The following PRRC2B variants were observed in gnomAD, a reference collection of about 807,000 sequenced individuals.
PRRC2B encodes the protein protein PRRC2B.
In PRRC2B, 68 loss-of-function variants were observed where a neutral mutation model predicts 242.3. The observed-to-expected ratio is 0.28, with a 90% CI of 0.23 to 0.34. The LOEUF is 0.34. Among genes scored for constraint, PRRC2B ranks in the 10% least tolerant of loss-of-function variants. The pLI, the probability that PRRC2B is intolerant of heterozygous loss-of-function variation, is 1.00. For missense variants in PRRC2B, 2,835 were observed against 2,954.8 expected, an observed-to-expected ratio of 0.96 and a Z score of 0.94; for synonymous variants, 1,228 against 1,173.6, an observed-to-expected ratio of 1.05 and a Z score of -0.95.
At chr9:131,379,151 C>T (rs889099662) in intron 1 of PRRC2B, among the ~76,000 whole-genome samples, 1 of 152,140 alleles carries the variant, frequency 6.6e-6, no homozygotes, top group Non-Finnish European at 1.5e-5. Flanking sequence ...CCATGTGGTA[C>T]CATGTGTCAG....
At chr9:131,467,386 G>T (rs1443494342) in intron 12 of PRRC2B, among the ~76,000 whole-genome samples, 177 bp from the exon 13 acceptor site, 2 of 152,218 alleles carry the variant, frequency 1.3e-5, no homozygotes, top group Non-Finnish European at 2.9e-5. Context: ...CATGTGTTGT[G>T]GGGAGTCCCT....
At chr9:131,439,790 G>C (rs1337973378) in intron 5 of PRRC2B, among the ~76,000 whole-genome samples, 1 of 152,190 alleles carries the variant, frequency 6.6e-6, no homozygotes, top group Non-Finnish European at 1.5e-5. Flanking sequence ...CAGGAGTGCA[G>C]TGGCACAATT....
At chr9:131,423,068 C>T (rs191076545) in intron 1 of PRRC2B, among the ~76,000 whole-genome samples, 1 of 152,184 alleles carries the variant, frequency 6.6e-6, no homozygotes, top group Admixed American at 6.5e-5. Flanking sequence ...TGGGTTGTGT[C>T]TGCTTCATAT....
rs1475337270 is a variant in PRRC2B, at chr9:131,474,985, G to A, written c.2856G>A (p.Val952=). 1 of 1,599,294 alleles carries A rather than the reference G, an allele frequency of 6.3e-7. No individual in the cohort carries two copies. The highest frequency in any genetic ancestry group is 8.5e-7 in the Non-Finnish European group (1 of 1,173,118). Residue 952 remains valine (V), a synonymous_variant, in exon 16 of 32, where the codon GTG becomes GTA. Transcript: ENST00000683519. ...IKKPVLKALK[V]EDKEKELEKI... is the part of the protein sequence containing the mutation. ...AACCAGTCCTGAAAGCCCTCAAGGT[G>A]GAAGACAAGGAGAAGGAGCTTGAGA...
chr9:131,448,666 C>T (rs1479435332), intron 9 of PRRC2B, among the ~76,000 whole-genome samples: 2 of 151,428 alleles, frequency 1.3e-5, no homozygotes, highest in Non-Finnish European at 2.9e-5. Context: ...ACTCTTCCTC[C>T]TTCCTCAGCC....
chr9:131,381,482 G>A (rs559895749), intron 1 of PRRC2B, among the ~76,000 whole-genome samples: 27 of 144,338 alleles, frequency 1.9e-4, no homozygotes, highest in Admixed American at 3.6e-4. Context: ...GCAATGGTGC[G>A]ATCTCGGCTC....
chr9:131,466,814 T>C (rs908878609), intron 12 of PRRC2B, among the ~76,000 whole-genome samples: 16 of 151,238 alleles, frequency 1.1e-4, no homozygotes, highest in African/African-American at 3.4e-4. Flanking sequence ...TTTCTTTTTT[T>C]TTTTGGAGAC....
chr9:131,472,054 T>C (rs1943561989), intron 14 of PRRC2B, among the ~76,000 whole-genome samples: 1 of 152,252 alleles, frequency 6.6e-6, no homozygotes. Context: ...TTTATCCTTA[T>C]GTAGTACCTT....
chr9:131,391,328 C>T (rs1003354647), upstream of PRRC2B, among the ~76,000 whole-genome samples: 1 of 152,136 alleles, frequency 6.6e-6, no homozygotes, highest in Non-Finnish European at 1.5e-5. Flanking sequence ...GGTCCTGCGT[C>T]ATTCCTTTGT....
chr9:131,474,642 A>C lies in PRRC2B; in HGVS notation c.2513A>C (p.Gln838Pro), dbSNP rs1014932165. Residue 838 changes from glutamine to proline, a missense_variant, in exon 16 of 32, where the codon CAG becomes CCG. Gln to Pro is a moderately conservative substitution (Grantham distance 76). Around this residue, in one of 7 missense-constraint regions of PRRC2B, gnomAD observed 1,536 missense variants for 1,483.1 expected, o/e 1.04. Transcript: ENST00000683519. ...ELLFPPQENV[Q>P]DAGAPGGHTQ... ...TTGTTTCCACCCCAAGAAAATGTTC[A>C]GGATGCAGGTGCTCCTGGGGGTCAC... 6 of 1,613,814 alleles carry C rather than the reference A, an allele frequency of 3.7e-6. No individual in the cohort carries two copies. In the African/African-American group the frequency reaches 8.0e-5, roughly 22 times the overall value.
At chr9:131,458,684 G>T (rs1039803942) in intron 10 of PRRC2B, among the ~76,000 whole-genome samples, 1 of 152,002 alleles carries the variant, frequency 6.6e-6, no homozygotes, top group Non-Finnish European at 1.5e-5. Context: ...TGTATTTTTA[G>T]TAGAGACTTG....
Position 131,498,252 on chromosome 9 carries a change from T to C in PRRC2B, c.*2378T>C, listed in dbSNP as rs1944382374. 6.6e-6 allele frequency: 1 copy of C among 152,168 alleles called. No homozygotes were observed. Among genetic ancestry groups the C allele is most frequent in the South Asian group, 2.1e-4 (1 of 4,830 alleles). The allele number at this position is 152,168 out of a possible 1,614,324, so 9.4% of individuals were successfully genotyped here. A position where few individuals can be genotyped will look rare whatever the true frequency, so the allele number is the denominator to read the frequency against. On this transcript the variant is annotated 3_prime_UTR_variant, in exon 32 of 32. Coordinates refer to ENST00000683519, the MANE Select transcript of PRRC2B (RefSeq NM_013318.4). The stretch of plus-strand genomic sequence containing the variant: ...AAACACTAGAATTTATTTATATGTA[T>C]TGATGTTGTAGGTCTAGGTGAAAAA...
At chr9:131,453,892 A>T (rs1476679448) in intron 9 of PRRC2B, among the ~76,000 whole-genome samples, 1 of 152,206 alleles carries the variant, frequency 6.6e-6, no homozygotes, top group Non-Finnish European at 1.5e-5. Context: ...GTCATATAAC[A>T]TAAAATTTAC....
intron 1 of PRRC2B, among the ~76,000 whole-genome samples, chr9:131,425,707 T>C (rs1464654795): frequency 6.6e-6 from 1 of 150,710 alleles, no homozygotes. Context: ...GCCAGGATGA[T>C]CTCGATCTCC....
Position 131,477,758 on chromosome 9 carries a change from C to G in PRRC2B, c.4421C>G (p.Ala1474Gly), listed in dbSNP as rs537862503. Residue 1474 changes from alanine to glycine, a missense_variant, in exon 17 of 32, where the codon GCC becomes GGC. By Grantham distance (60) the Ala-to-Gly change is moderately conservative (BLOSUM62 0). This residue lies in a region of PRRC2B where 1,536 missense variants were observed against 1,483.1 expected (regional missense o/e 1.04). Coordinates refer to ENST00000683519, the MANE Select transcript of PRRC2B (RefSeq NM_013318.4). ...PLKVKRSPDE[A>G]LPGGLSGCSS... Reference sequence around the variant, plus strand: ...TTCCCTTACAGATCCCCAGACGAGGCCTTGCCTGGAGGTCTTAGTGGCTGC... The same window carrying G: ...TTCCCTTACAGATCCCCAGACGAGGGCTTGCCTGGAGGTCTTAGTGGCTGC... 1.9e-6 allele frequency: 3 copies of G among 1,604,952 alleles called. No individual in the cohort carries two copies. Among genetic ancestry groups the G allele is most frequent in the South Asian group, 2.2e-5 (2 of 90,842 alleles).
intron 11 of PRRC2B, among the ~76,000 whole-genome samples, chr9:131,459,721 TAG>T (rs1024652453): frequency 6.6e-6 from 1 of 152,142 alleles, no homozygotes; most frequent in African/African-American, 2.4e-5. Context: ...TCATTTTTTG[TAG>T]AGACGAGGTC....
chr9:131,454,925 T>G, intron 9 of PRRC2B, 151 bp from the exon 10 acceptor site: 12 of 534,584 alleles, frequency 2.2e-5, no homozygotes, highest in East Asian at 7.4e-5. Flanking sequence ...TGAGCCACCA[T>G]GTTGGTCAGT....
At chr9:131,436,846 A>G in intron 4 of PRRC2B, 124 bp downstream of exon 4, 1 of 727,708 alleles carries the variant, frequency 1.4e-6, no homozygotes. Context: ...TCTATTCCAG[A>G]GGCACACCCG....
intron 11 of PRRC2B, 39 bp from the exon 12 acceptor site, chr9:131,464,724 C>G: frequency 3.3e-6 from 5 of 1,528,152 alleles, no homozygotes; most frequent in Non-Finnish European, 4.4e-6. Flanking sequence ...TCCCGGGTCC[C>G]GGACCCACCG....
Sources: gnomAD v4.1 joint callset for allele counts (sites outside exome capture counted in the v4.1 genomes callset) on GRCh38, gnomAD v4.1.1 for gene constraint, gnomAD v4.1.1 regional missense constraint, MANE v1.5 for transcripts, NCBI Gene and HGNC (gene_info 2026-07-23, HGNC 2026-07-21) for gene names.